UNC13C: variants seen among roughly 807,000 people sequenced by gnomAD.
UNC13C encodes unc-13 homolog C.
In UNC13C, 174 loss-of-function variants were observed where a neutral mutation model predicts 245.4. The ratio of observed to expected loss-of-function variants is 0.71; its 90% CI spans 0.63 to 0.80. The LOEUF (loss-of-function observed/expected upper bound fraction) is 0.80, where lower values mean the gene tolerates loss of function less well. UNC13C is among the 30% of genes least tolerant of loss of function. UNC13C has a pLI of 0.00. For missense variants in UNC13C, 2,829 were observed against 2,602.9 expected (o/e 1.09, Z -1.89); for synonymous variants, 992 against 895.1 (o/e 1.11, Z -1.93).
chr15:54,501,266 G>A (rs763813190), intron 22 of UNC13C, among the ~76,000 whole-genome samples: 9 of 152,040 alleles, frequency 5.9e-5, no homozygotes, highest in Non-Finnish European at 5.9e-5. Context: ...TTCAAATGTG[G>A]TGTTTTCTAG....
chr15:53,876,780 T>G, the UNC13C span, among the ~76,000 whole-genome samples: 1 of 152,300 alleles, frequency 6.6e-6, no homozygotes, highest in African/African-American at 2.4e-5. Flanking sequence ...AGTCTTTTTA[T>G]GATTATAAAA....
At chr15:54,109,421 A>G (rs1406852197) in intron 2 of UNC13C, among the ~76,000 whole-genome samples, 4 of 143,804 alleles carry the variant, frequency 2.8e-5, no homozygotes, top group Non-Finnish European at 4.5e-5. Context: ...GGCTCACCAC[A>G]GCCTCCACCT....
chr15:54,215,291 A>G (rs2035006625), intron 4 of UNC13C, among the ~76,000 whole-genome samples: 1 of 151,912 alleles, frequency 6.6e-6, no homozygotes, highest in African/African-American at 2.4e-5. Flanking sequence ...TCAACTCATT[A>G]TACCAAAAAC....
At chr15:54,501,883 C>T (rs989941048) in intron 22 of UNC13C, among the ~76,000 whole-genome samples, 4 of 152,060 alleles carry the variant, frequency 2.6e-5, no homozygotes, top group African/African-American at 9.7e-5. Context: ...GAGAAACAAC[C>T]CTTGTGGGGA....
intron 4 of UNC13C, among the ~76,000 whole-genome samples, chr15:54,148,989 G>C (rs2032400436): frequency 6.6e-6 from 1 of 152,190 alleles, no homozygotes. Flanking sequence ...ATGTGTCAAG[G>C]AGGGACCTGG....
intron 18 of UNC13C, among the ~76,000 whole-genome samples, chr15:54,410,556 T>C: frequency 6.6e-6 from 1 of 152,152 alleles, no homozygotes; most frequent in Admixed American, 6.5e-5. Context: ...GTGAAAAAGA[T>C]CCAGTTTCAA....
chr15:54,547,993 G>C lies in UNC13C; in HGVS notation c.5820+1148G>C, dbSNP rs942361176. 1.6e-4 allele frequency among the ~76,000 whole-genome samples: 24 copies of C among 151,940 alleles called. 1 individual carries two copies. Among genetic ancestry groups the C allele is most frequent in the Admixed American group, 9.2e-4 (14 of 15,240 alleles). On this transcript the variant is annotated intron_variant, in intron 27 of 32. Coordinates refer to ENST00000260323, the MANE Select transcript of UNC13C (RefSeq NM_001080534.3). ...TATAACTTCAGCCGAAAAAGAAAAA[G>C]CTCTCACCTTGGCTACTTCACAGAC... is the stretch of plus-strand genomic sequence containing the variant.
At chr15:54,504,423 C>G (rs886205321) in intron 22 of UNC13C, among the ~76,000 whole-genome samples, 1 of 152,066 alleles carries the variant, frequency 6.6e-6, no homozygotes, top group Non-Finnish European at 1.5e-5. Flanking sequence ...ATTATTTTCC[C>G]TAATTTCCAT....
intron 1 of UNC13C, among the ~76,000 whole-genome samples, chr15:54,011,582 A>T (rs891594269): frequency 2.6e-5 from 4 of 152,358 alleles, no homozygotes; most frequent in South Asian, 4.1e-4. Flanking sequence ...TTAACTCAAA[A>T]GTAAATTTCT....
At chr15:54,317,181 A>G (rs2038029701) in intron 13 of UNC13C, among the ~76,000 whole-genome samples, 1 of 151,988 alleles carries the variant, frequency 6.6e-6, no homozygotes. Flanking sequence ...AGTTATTTTT[A>G]AAAGAGAAGC....
At chr15:54,189,805 C>T (rs371311270) in intron 4 of UNC13C, among the ~76,000 whole-genome samples, 4 of 152,156 alleles carry the variant, frequency 2.6e-5, no homozygotes, top group East Asian at 3.9e-4. Context: ...ATGCCACAAA[C>T]AGCTGCTTGA....
the UNC13C span, among the ~76,000 whole-genome samples, chr15:53,878,806 G>T: frequency 3.9e-5 from 6 of 152,168 alleles, no homozygotes; most frequent in African/African-American, 1.4e-4. Flanking sequence ...CATTGATAGA[G>T]ATTTACTACT....
intron 19 of UNC13C, among the ~76,000 whole-genome samples, chr15:54,423,274 T>C (rs2040691104): frequency 6.6e-6 from 1 of 151,832 alleles, no homozygotes; most frequent in African/African-American, 2.4e-5. Context: ...TGAAACTTTG[T>C]AATTTCATTT....
chr15:54,088,201 CTTTTTTTTTTTTTT>C (rs59075201), intron 2 of UNC13C, among the ~76,000 whole-genome samples: 2 of 103,926 alleles, frequency 1.9e-5, no homozygotes, highest in Admixed American at 1.2e-4. Flanking sequence ...CTTCCTTTTC[CTTTTTTTTTTTTTT>C]TTTTTTTTTT....
intron 4 of UNC13C, among the ~76,000 whole-genome samples, chr15:54,163,683 A>G (rs1246659435): frequency 6.6e-6 from 1 of 152,164 alleles, no homozygotes; most frequent in African/African-American, 2.4e-5. Flanking sequence ...GAAGTCATTT[A>G]CCCAGTATCT....
At chr15:54,471,028 C>A (rs1892435075) in intron 19 of UNC13C, among the ~76,000 whole-genome samples, 1 of 150,914 alleles carries the variant, frequency 6.6e-6, no homozygotes, top group African/African-American at 2.4e-5. Context: ...ATAATTTTTC[C>A]TGTTATTGCT....
At chr15:54,322,783 G>A (rs1378220091) in intron 14 of UNC13C, among the ~76,000 whole-genome samples, 2 of 152,012 alleles carry the variant, frequency 1.3e-5, no homozygotes, top group East Asian at 3.9e-4. Context: ...TTCTAGTAAA[G>A]TGGTAAGAGT....
At chr15:54,049,087 C>A (rs147567928) in intron 2 of UNC13C, 109 of 371,724 alleles carry the variant, frequency 2.9e-4, no homozygotes, top group South Asian at 2.5e-3. Flanking sequence ...ACTTTTCTAT[C>A]ATTGGTAAGT....
chr15:54,174,784 C>T (rs935459685), intron 4 of UNC13C, among the ~76,000 whole-genome samples: 1 of 152,078 alleles, frequency 6.6e-6, no homozygotes, highest in Non-Finnish European at 1.5e-5. Flanking sequence ...CAAAAGCCCT[C>T]GTTTCCTTTT....
Sources: gnomAD v4.1 joint callset for allele counts (sites outside exome capture counted in the v4.1 genomes callset) on GRCh38, gnomAD v4.1.1 for gene constraint, MANE v1.5 for transcripts, NCBI Gene and HGNC (gene_info 2026-07-23, HGNC 2026-07-21) for gene names.